The following TDRKH variants were observed in gnomAD, a reference collection of about 807,000 sequenced individuals.
TDRKH encodes tudor and KH domain containing.
TDRKH carries 28 observed loss-of-function variants against 61.3 expected under a neutral mutation model. That is an observed-to-expected ratio of 0.46 (90% CI 0.34 to 0.63). TDRKH has a LOEUF of 0.63. TDRKH is among the 20% of genes least tolerant of loss of function. TDRKH has a pLI of 0.01. For synonymous variants in TDRKH, 219 were observed against 244.4 expected, an observed-to-expected ratio of 0.90 and a Z score of 0.97; for missense variants, 540 against 683.4, an observed-to-expected ratio of 0.79 and a Z score of 2.34.
intron 7 of TDRKH, 75 bp downstream of exon 7, chr1:151,776,364 G>A (rs2101585061): frequency 6.3e-7 from 1 of 1,597,824 alleles, no homozygotes; most frequent in Non-Finnish European, 8.5e-7. Context: ...TTGCTCCACA[G>A]GGAAAGGAAG....
At chr1:151,788,302 C>A (rs1650541925) in intron 1 of TDRKH, among the ~76,000 whole-genome samples, 1 of 152,170 alleles carries the variant, frequency 6.6e-6, no homozygotes, top group Non-Finnish European at 1.5e-5. Flanking sequence ...TTTATTCAAG[C>A]CAATAAATAT....
At chr1:151,777,005 A>G (rs543210124) in intron 6 of TDRKH, among the ~76,000 whole-genome samples, 2 of 152,336 alleles carry the variant, frequency 1.3e-5, no homozygotes, top group Admixed American at 1.3e-4. Flanking sequence ...CAAGTCTGTG[A>G]GCTTCTTGGG....
At chr1:151,787,808 CAAAAAAAAAAAAA>C (rs71093211) in intron 1 of TDRKH, among the ~76,000 whole-genome samples, 14 of 50,580 alleles carry the variant, frequency 2.8e-4, no homozygotes, top group Non-Finnish European at 3.6e-4. Context: ...TCTGTTTCTA[CAAAAAAAAAAAAA>C]AAAAAAAAAA....
At chr1:151,775,218 A>G (rs766683097) in intron 10 of TDRKH, 52 bp from the exon 11 acceptor site, 1 of 1,600,310 alleles carries the variant, frequency 6.2e-7, no homozygotes, top group Non-Finnish European at 8.6e-7. Context: ...GCAAGGGCAA[A>G]TTTGAGGAAA....
At chr1:151,769,590 G>T, downstream of TDRKH, 1 of 211,466 alleles carries the variant, frequency 4.7e-6, no homozygotes, top group Non-Finnish European at 9.5e-6. Context: ...TTCCTAGACG[G>T]GATGACGGCC....
intron 1 of TDRKH, 116 bp from the exon 2 acceptor site, chr1:151,783,165 T>A (rs748883512): frequency 2.4e-4 from 217 of 896,130 alleles, no homozygotes; most frequent in Non-Finnish European, 3.2e-4. Context: ...CCTTCCAATT[T>A]CAAGAGCTTC....
chr1:151,781,328 A>AATATATATATATATATATAT lies in TDRKH; in HGVS notation c.231+152_231+153insATATATATATATATATATAT, dbSNP rs60652277. Among the ~76,000 whole-genome samples, 163 of 68,564 alleles carry AATATATATATATATATATAT rather than the reference A, an allele frequency of 2.4e-3. 10 individuals are homozygous for AATATATATATATATATATAT. Among genetic ancestry groups the AATATATATATATATATATAT allele is most frequent in the Non-Finnish European group, 4.1e-3 (120 of 29,264 alleles). 45.0% of individuals were successfully genotyped at this position (68,564 alleles called of 152,430 possible). A position where few individuals can be genotyped will look rare whatever the true frequency, so the allele number is the denominator to read the frequency against. On this transcript the variant is annotated intron_variant, in intron 3 of 12. Transcript: ENST00000368824. ...GCGAAACTCCATCTCAAAAAAAAAA[A>AATATATATATATATATATAT]ATATATATATATATATTTTATATAT...
rs1309697311 is a variant in TDRKH at position 151,778,978 on chromosome 1, T to C, written c.590A>G (p.Asp197Gly). ...KHLILEKVSE[D>G]EELRKRIAHS... Reference sequence around the variant, plus strand: ...AGCAATTCTCTTCCGAAGTTCTTCATCTTCTGAAACTTTCTCCAGTATCAA... The same window carrying C: ...AGCAATTCTCTTCCGAAGTTCTTCACCTTCTGAAACTTTCTCCAGTATCAA... Residue 197 changes from aspartate (D) to glycine (G), a missense_variant, in exon 6 of 13, where the codon GAT becomes GGT. By Grantham distance (94) the Asp-to-Gly change is moderately conservative (BLOSUM62 -1). Around this residue, in one of 3 missense-constraint regions of TDRKH, gnomAD observed 379 missense variants for 443.8 expected, o/e 0.85. Transcript: ENST00000368824. 6 of 1,614,078 alleles carry C rather than the reference T, an allele frequency of 3.7e-6. No homozygotes were observed. Among genetic ancestry groups the C allele is most frequent in the East Asian group, 4.5e-5 (2 of 44,890 alleles).
Sources: allele counts gnomAD v4.1 joint callset (sites outside exome capture counted in the v4.1 genomes callset), GRCh38; gene constraint gnomAD v4.1.1; regional missense constraint gnomAD v4.1.1; transcripts MANE v1.5; gene names NCBI Gene and HGNC (gene_info 2026-07-23, HGNC 2026-07-21).